The following PCDH11X variants were observed in gnomAD, a reference collection of about 807,000 sequenced individuals.
The protein encoded by PCDH11X is protocadherin 11 X-linked.
PCDH11X carries 18 observed loss-of-function variants against 53.3 expected under a neutral mutation model. The observed-to-expected ratio is 0.34, with a 90% confidence interval of 0.23 to 0.50. The LOEUF (loss-of-function observed/expected upper bound fraction) is 0.50, where lower values mean the gene tolerates loss of function less well. PCDH11X is among the 20% of genes least tolerant of loss of function. PCDH11X has a pLI of 0.98. For synonymous variants in PCDH11X, 279 were observed against 393.3 expected (o/e 0.71, Z 3.44); for missense variants, 570 against 1,032.4 (o/e 0.55, Z 6.14).
chrX:92,073,742 G>A (rs979172250), intron 6 of PCDH11X, among the ~76,000 whole-genome samples: 1 of 111,905 alleles, frequency 8.9e-6, no homozygotes, highest in Non-Finnish European at 1.9e-5. Context: ...GAGGCAGGTA[G>A]CCCCTTTAAT....
chrX:92,224,821 T>C (rs1405138408), intron 7 of PCDH11X, among the ~76,000 whole-genome samples: 1 of 112,293 alleles, frequency 8.9e-6, no homozygotes, highest in Non-Finnish European at 1.9e-5. Flanking sequence ...ATAGCAACCT[T>C]TTAAAATTTA....
chrX:92,008,232 C>T (rs1463925128), intron 6 of PCDH11X, among the ~76,000 whole-genome samples: 3 of 110,631 alleles, frequency 2.7e-5, no homozygotes, highest in Admixed American at 1.9e-4. Flanking sequence ...ATACACGTTG[C>T]AATTCTTATG....
chrX:92,406,056 G>A (rs960414296), intron 9 of PCDH11X, among the ~76,000 whole-genome samples: 16 of 87,576 alleles, frequency 1.8e-4, no homozygotes, highest in Middle Eastern at 0.015. Context: ...GATCTATCAC[G>A]CCACTGCACT....
intron 6 of PCDH11X, among the ~76,000 whole-genome samples, chrX:92,146,854 C>A (rs1399256856): frequency 1.8e-5 from 2 of 109,983 alleles, no homozygotes; most frequent in Non-Finnish European, 3.8e-5. Context: ...CAAACATTAG[C>A]CAGGTGTGGT....
chrX:92,217,075 C>T (rs1388584341), intron 7 of PCDH11X, among the ~76,000 whole-genome samples: 5 of 111,312 alleles, frequency 4.5e-5, no homozygotes, highest in Admixed American at 3.8e-4. Flanking sequence ...AAAGGAACAA[C>T]CGGTACCAGC....
chrX:92,358,542 G>A (rs2070268722), intron 8 of PCDH11X, among the ~76,000 whole-genome samples: 1 of 77,658 alleles, frequency 1.3e-5, no homozygotes, highest in Non-Finnish European at 2.4e-5. Flanking sequence ...TTTTTGCTTA[G>A]GTAGACTTTG....
intron 7 of PCDH11X, among the ~76,000 whole-genome samples, chrX:92,203,644 G>A (rs2066428726): frequency 8.9e-6 from 1 of 112,178 alleles, no homozygotes; most frequent in African/African-American, 3.2e-5. Context: ...AACTGTACAG[G>A]AGACTAGTTT....
chrX:92,462,516 A>T (rs1467380356), intron 9 of PCDH11X, among the ~76,000 whole-genome samples: 4 of 111,230 alleles, frequency 3.6e-5, no homozygotes, highest in Non-Finnish European at 7.6e-5. Context: ...TGTTTCAAAC[A>T]TTTTGGATAG....
At position 91,975,994 on chromosome X, in the gene PCDH11X, C is replaced by T. The variant is rs749256679; in HGVS notation, c.3033+96721C>T. ...GGGAGATATGTACTCTCTTATTAGC[C>T]ATAGACCCATCGTGTCATATTATTT... is the stretch of plus-strand genomic sequence containing the variant. On this transcript the variant is annotated intron_variant, in intron 6 of 10. Transcript: ENST00000682573. Among the ~76,000 whole-genome samples the T allele has an allele frequency of 2.7e-3, 305 of 111,363 alleles. 2 individuals are homozygous for T. The highest frequency in any genetic ancestry group is 9.4e-3 in the African/African-American group (289 of 30,646).
intron 8 of PCDH11X, among the ~76,000 whole-genome samples, chrX:92,274,506 A>G (rs1392718746): frequency 9.0e-6 from 1 of 111,036 alleles, no homozygotes; most frequent in African/African-American, 3.3e-5. Flanking sequence ...AAAGGACTCT[A>G]CCTGTCCAGT....
chrX:92,148,192 CT>C (rs2065361651), intron 6 of PCDH11X, among the ~76,000 whole-genome samples: 1 of 60,540 alleles, frequency 1.7e-5, no homozygotes, highest in Non-Finnish European at 3.0e-5. Context: ...TTCTTTCTTT[CT>C]TTCTTTCTTT....
At chrX:92,431,853 C>T (rs1279641771) in intron 9 of PCDH11X, among the ~76,000 whole-genome samples, 1 of 109,629 alleles carries the variant, frequency 9.1e-6, no homozygotes, top group Non-Finnish European at 1.9e-5. Flanking sequence ...AAATCTTAAA[C>T]AAATTTTAAA....
At chrX:92,310,743 G>A (rs1311372881) in intron 8 of PCDH11X, among the ~76,000 whole-genome samples, 1 of 111,457 alleles carries the variant, frequency 9.0e-6, no homozygotes, top group African/African-American at 3.3e-5. Context: ...TGAGTGAAAA[G>A]CAAAAATGAT....
chrX:92,262,595 A>C (rs768638387), intron 7 of PCDH11X, among the ~76,000 whole-genome samples: 3 of 111,833 alleles, frequency 2.7e-5, no homozygotes, highest in Non-Finnish European at 5.7e-5. Context: ...TATGAACAAC[A>C]GAAACTATTG....
At chrX:91,876,745 A>G (rs1939636578) in intron 5 of PCDH11X, 36 bp from the exon 6 acceptor site, 6 of 1,141,233 alleles carry the variant, frequency 5.3e-6, no homozygotes, top group Non-Finnish European at 7.0e-6. Flanking sequence ...ATTTATATTA[A>G]CATAAGTTAA....
intron 7 of PCDH11X, among the ~76,000 whole-genome samples, chrX:92,260,932 T>C (rs947426526): frequency 1.8e-5 from 2 of 111,656 alleles, no homozygotes; most frequent in African/African-American, 3.3e-5. Context: ...CTCCTCACTA[T>C]ATATAATTTA....
intron 6 of PCDH11X, among the ~76,000 whole-genome samples, chrX:92,046,228 T>C (rs1158259419): frequency 9.0e-6 from 1 of 111,655 alleles, no homozygotes; most frequent in Non-Finnish European, 1.9e-5. Context: ...TTTTGAGAAT[T>C]GGTCATTAAA....
chrX:92,113,945 G>C, intron 6 of PCDH11X: 1 of 1,206,737 alleles, frequency 8.3e-7, no homozygotes. Context: ...ATGTATTTGG[G>C]AGATAGGTAT....
Position 92,369,330 on chromosome X carries a change from A to T in PCDH11X, c.3145-18405A>T, listed in dbSNP as rs180805136. 1.6e-3 allele frequency among the ~76,000 whole-genome samples: 180 copies of T among 110,764 alleles called. 2 individuals are homozygous for T. Among genetic ancestry groups the T allele is most frequent in the Admixed American group, 0.011 (119 of 10,493 alleles). ...AGCACTGTCAGGGGAAAATTGCCTT[A>T]TAAAGCCTCAGTAATGGCGGATGCC... On this transcript the variant is annotated intron_variant, in intron 8 of 10. Coordinates refer to ENST00000682573, the MANE Select transcript of PCDH11X (RefSeq NM_032968.5).
Sources: allele counts gnomAD v4.1 joint callset (sites outside exome capture counted in the v4.1 genomes callset), GRCh38; gene constraint gnomAD v4.1.1; transcripts MANE v1.5; gene names NCBI Gene and HGNC (gene_info 2026-07-23, HGNC 2026-07-21).